The following HMX3 variants were observed in gnomAD, a reference collection of about 807,000 sequenced individuals.
HMX3 encodes the protein H6 family homeobox 3, also known as homeobox protein HMX3.
In HMX3, 8 loss-of-function variants were observed where a neutral mutation model predicts 22.8. The ratio of observed to expected loss-of-function variants is 0.35; its 90% CI spans 0.21 to 0.63. HMX3 has a LOEUF of 0.63. HMX3 is among the 30% of genes least tolerant of loss of function. The pLI is 0.72. For synonymous variants in HMX3, 331 were observed against 250.9 expected, an observed-to-expected ratio of 1.32 and a Z score of -3.02; for missense variants, 527 against 520.6, an observed-to-expected ratio of 1.01 and a Z score of -0.12.
rs370463263 is a variant in HMX3 at position 123,136,347 on chromosome 10, G to C, written c.297G>C (p.Pro99=). The change falls in exon 1 of 2, where the codon CCG becomes CCC. Residue 99 remains proline (P), a synonymous_variant. Coordinates refer to ENST00000357878, the MANE Select transcript of HMX3 (RefSeq NM_001105574.2). This position sits in a 1 kb window ranked among gnomAD's most constrained non-coding sequence, Gnocchi z 4.8. ...GDLAFPRFEI[P]AQRFALPAHY... ...TGGCTTTCCCTCGCTTTGAGATCCC[G>C]GCGCAGAGGTTTGCCCTGCCCGCGC... 1.3e-6 allele frequency: 2 copies of C among 1,570,138 alleles called. No homozygotes were observed. The highest frequency in any genetic ancestry group is 1.4e-5 in the African/African-American group (1 of 71,252).
chr10:123,137,612 G>T lies in HMX3; in HGVS notation c.955G>T (p.Ala319Ser). The T allele has an allele frequency of 1.9e-6, 3 of 1,565,118 alleles. No individual in the cohort carries two copies. The highest frequency in any genetic ancestry group is 2.6e-6 in the Non-Finnish European group (3 of 1,162,556). ...CCACGAGAACTCGGCGGCCGAGGGC[G>T]CGGCGGCTGCAGCCGCGGGGGCCCC... ...LYHENSAAEGAAAAAAGAPVP... is the reference protein window; with the variant it reads ...LYHENSAAEGSAAAAAGAPVP... The change falls in exon 2 of 2, where the codon GCG becomes TCG. Residue 319 changes from alanine (A) to serine (S), a missense_variant. Ala to Ser is a moderately conservative substitution (Grantham distance 99). Transcript: ENST00000357878. This position sits in a 1 kb window ranked among gnomAD's most constrained non-coding sequence, Gnocchi z 5.8.
At position 123,137,532 on chromosome 10, in the gene HMX3, C is replaced by T. The variant is rs748928750; in HGVS notation, c.875C>T (p.Ala292Val). 19 of 1,611,744 alleles carry T rather than the reference C, an allele frequency of 1.2e-5. No homozygotes were observed. The highest frequency in any genetic ancestry group is 2.7e-5 in the African/African-American group (2 of 74,910). ...CGGCAGCTGGCGGCGGAGCTGGAGGCGGCCAACCTGAGCCATGCCGCGGCG... is the reference window on the plus strand; with the variant it reads ...CGGCAGCTGGCGGCGGAGCTGGAGGTGGCCAACCTGAGCCATGCCGCGGCG... ...WKRQLAAELEAANLSHAAAQR... is the reference protein window; with the variant it reads ...WKRQLAAELEVANLSHAAAQR... The change falls in exon 2 of 2, where the codon GCG (alanine) becomes GTG (valine). Residue 292 changes from alanine to valine, a missense_variant. Physicochemically the swap from Ala to Val is moderately conservative, Grantham distance 64 (BLOSUM62 0). Coordinates refer to ENST00000357878, the MANE Select transcript of HMX3 (RefSeq NM_001105574.2). The surrounding 1 kb of genome is among the most constrained non-coding windows in gnomAD (Gnocchi z 5.8).
rs1054860145 is a variant in HMX3 at position 123,136,279 on chromosome 10, C to T, written c.229C>T (p.Leu77=). The T allele has an allele frequency of 1.3e-6, 2 of 1,493,798 alleles. No individual in the cohort carries two copies. The allele number at this position is 1,493,798 out of a possible 1,614,324, so 92.5% of individuals were successfully genotyped here. ...AAAAAAAKGA[L]EGAAGFALSQ... is the part of the protein sequence containing the mutation. Reference sequence around the variant, plus strand: ...CGCTGCCGCGGCGGCCAAGGGGGCCCTGGAGGGCGCCGCGGGCTTCGCGCT... The same window carrying T: ...CGCTGCCGCGGCGGCCAAGGGGGCCTTGGAGGGCGCCGCGGGCTTCGCGCT... The change falls in exon 1 of 2, where the codon CTG becomes TTG. Residue 77 remains leucine (L), a synonymous_variant. Transcript: ENST00000357878. The surrounding 1 kb of genome is among the most constrained non-coding windows in gnomAD (Gnocchi z 4.8).
chr10:123,136,818 T>C lies in HMX3; in HGVS notation c.401-240T>C, dbSNP rs1367682355. 1.3e-5 allele frequency among the ~76,000 whole-genome samples: 2 copies of C among 151,822 alleles called. No individual in the cohort carries two copies. Among genetic ancestry groups the C allele is most frequent in the Non-Finnish European group, 2.9e-5 (2 of 67,942 alleles). Reference sequence around the variant, plus strand: ...GCCCCTGGCGAGGAAGCTGAGGGAATGGAAGGAGGTGGCCGCGCTACCACC... The same window carrying C: ...GCCCCTGGCGAGGAAGCTGAGGGAACGGAAGGAGGTGGCCGCGCTACCACC... On this transcript the variant is annotated intron_variant, in intron 1 of 1. Coordinates refer to ENST00000357878, the MANE Select transcript of HMX3 (RefSeq NM_001105574.2). This position sits in a 1 kb window ranked among gnomAD's most constrained non-coding sequence, Gnocchi z 4.8.
At position 123,139,048 on chromosome 10, in the gene HMX3, G is replaced by GA. The variant is rs1844111134; in HGVS notation, c.*1323dup. On this transcript the variant is annotated 3_prime_UTR_variant, in exon 2 of 2. Transcript: ENST00000357878. ...ATAATCATGGTCATTCATTTAGAAAGAAAAAAGTAGGCAGGGGAAAGGGGG... is the reference window on the plus strand; with the variant it reads ...ATAATCATGGTCATTCATTTAGAAAGAAAAAAAGTAGGCAGGGGAAAGGGGG... Among the ~76,000 whole-genome samples, 1 of 152,074 alleles carries GA rather than the reference G, an allele frequency of 6.6e-6. No individual in the cohort carries two copies. Among genetic ancestry groups the GA allele is most frequent in the Non-Finnish European group, 1.5e-5 (1 of 68,000 alleles).
Position 123,137,773 on chromosome 10 carries a change from C to T in HMX3, c.*42C>T, listed in dbSNP as rs1372420971. 5.8e-6 allele frequency: 8 copies of T among 1,375,962 alleles called. No homozygotes were observed. The Admixed American group carries it at 1.9e-4, about 32-fold the overall frequency. 85.2% of individuals were successfully genotyped at this position (1,375,962 alleles called of 1,614,324 possible). A position where few individuals can be genotyped will look rare whatever the true frequency, so the allele number is the denominator to read the frequency against. On this transcript the variant is annotated 3_prime_UTR_variant, in exon 2 of 2. Transcript: ENST00000357878. This position sits in a 1 kb window ranked among gnomAD's most constrained non-coding sequence, Gnocchi z 5.8. Reference sequence around the variant, plus strand: ...GGGAGGGAGCGCCCGGCCTCCTTGTCCGGACCCCGGAGGAGACTGGGCCGG... The same window carrying T: ...GGGAGGGAGCGCCCGGCCTCCTTGTTCGGACCCCGGAGGAGACTGGGCCGG...
At position 123,136,046 on chromosome 10, in the gene HMX3, G is replaced by C; in HGVS notation, c.-5G>C. On this transcript the variant is annotated 5_prime_UTR_variant, in exon 1 of 2. Coordinates refer to ENST00000357878, the MANE Select transcript of HMX3 (RefSeq NM_001105574.2). This position sits in a 1 kb window ranked among gnomAD's most constrained non-coding sequence, Gnocchi z 4.8. ...CCCTCCCGGGGACCCGGAGGAGAGG[G>C]GACCATGCCGGAACCCGGGCCGGAC... The C allele has an allele frequency of 7.3e-7, 1 of 1,378,000 alleles. No individual in the cohort carries two copies. The highest frequency in any genetic ancestry group is 9.4e-7 in the Non-Finnish European group (1 of 1,064,436). The allele number at this position is 1,378,000 out of a possible 1,614,324, so 85.4% of individuals were successfully genotyped here. A position where few individuals can be genotyped will look rare whatever the true frequency, so the allele number is the denominator to read the frequency against.
rs766586446 is a variant in HMX3 at position 123,137,334 on chromosome 10, G to A, written c.677G>A (p.Arg226His). ...AGTCCAGAGAAGAAGCCGGCGTGCC[G>A]CAAGAAGAAGACGCGCACAGTCTTC... ...AESPEKKPAC[R>H]KKKTRTVFSR... The change falls in exon 2 of 2, where the codon CGC (arginine) becomes CAC (histidine). Residue 226 changes from arginine (R) to histidine (H), a missense_variant. Physicochemically the swap from Arg to His is conservative, Grantham distance 29 (BLOSUM62 0). This residue lies in a region of HMX3 where 386 missense variants were observed against 337.8 expected (regional missense o/e 1.14). Transcript: ENST00000357878. The surrounding 1 kb of genome is among the most constrained non-coding windows in gnomAD (Gnocchi z 5.8). The A allele has an allele frequency of 6.2e-7, 1 of 1,611,800 alleles. No homozygotes were observed. The highest frequency in any genetic ancestry group is 8.5e-7 in the Non-Finnish European group (1 of 1,179,332).
chr10:123,137,839 G>A lies in HMX3; in HGVS notation c.*108G>A. On this transcript the variant is annotated 3_prime_UTR_variant, in exon 2 of 2. Coordinates refer to ENST00000357878, the MANE Select transcript of HMX3 (RefSeq NM_001105574.2). This position sits in a 1 kb window ranked among gnomAD's most constrained non-coding sequence, Gnocchi z 5.8. ...AAGTCCAGCGGCCTTCAGGAACTGG[G>A]GCTTGGGCGCGCAGCCTCTGCTTCC... The A allele has an allele frequency of 5.2e-6, 4 of 768,530 alleles. No individual in the cohort carries two copies. The highest frequency in any genetic ancestry group is 7.6e-6 in the Non-Finnish European group (4 of 523,180). The allele number at this position is 768,530 out of a possible 1,614,324, so 47.6% of individuals were successfully genotyped here.
Position 123,137,779 on chromosome 10 carries a change from C to T in HMX3, c.*48C>T. ...GAGCGCCCGGCCTCCTTGTCCGGAC[C>T]CCGGAGGAGACTGGGCCGGGCCGAG... On this transcript the variant is annotated 3_prime_UTR_variant, in exon 2 of 2. Transcript: ENST00000357878. The surrounding 1 kb of genome is among the most constrained non-coding windows in gnomAD (Gnocchi z 5.8). 1.5e-6 allele frequency: 2 copies of T among 1,349,116 alleles called. No individual in the cohort carries two copies. Among genetic ancestry groups the T allele is most frequent in the Non-Finnish European group, 9.7e-7 (1 of 1,035,140 alleles). 83.6% of individuals were successfully genotyped at this position (1,349,116 alleles called of 1,614,324 possible). A position where few individuals can be genotyped will look rare whatever the true frequency, so the allele number is the denominator to read the frequency against.
At position 123,136,461 on chromosome 10, in the gene HMX3, C is replaced by G; in HGVS notation, c.400+11C>G. 1 of 1,386,772 alleles carries G rather than the reference C, an allele frequency of 7.2e-7. No homozygotes were observed. Among genetic ancestry groups the G allele is most frequent in the Non-Finnish European group, 9.4e-7 (1 of 1,061,474 alleles). 85.9% of individuals were successfully genotyped at this position (1,386,772 alleles called of 1,614,324 possible). A position where few individuals can be genotyped will look rare whatever the true frequency, so the allele number is the denominator to read the frequency against. ...TCCCGCGACCTGAAGGTACCGACCT[C>G]TCTTTGAACTTTCGTTGTCCCCCTG... is the stretch of plus-strand genomic sequence containing the variant. On this transcript the variant is annotated intron_variant, in intron 1 of 1. Transcript: ENST00000357878. This position sits in a 1 kb window ranked among gnomAD's most constrained non-coding sequence, Gnocchi z 4.8.
chr10:123,137,488 C>T lies in HMX3; in HGVS notation c.831C>T (p.Asn277=). The change falls in exon 2 of 2, where the codon AAC becomes AAT. Residue 277 remains asparagine (N), a synonymous_variant. Coordinates refer to ENST00000357878, the MANE Select transcript of HMX3 (RefSeq NM_001105574.2). The surrounding 1 kb of genome is among the most constrained non-coding windows in gnomAD (Gnocchi z 5.8). ...CGCAGGTCAAGATCTGGTTCCAGAA[C>T]CGCCGCAACAAGTGGAAGCGGCAGC... ...TETQVKIWFQ[N]RRNKWKRQLA... The T allele has an allele frequency of 2.5e-6, 4 of 1,613,352 alleles. No homozygotes were observed. The South Asian group carries it at 4.4e-5, about 18-fold the overall frequency.
chr10:123,136,249 G>A lies in HMX3; in HGVS notation c.199G>A (p.Ala67Thr). The A allele has an allele frequency of 2.2e-6, 3 of 1,349,726 alleles. No homozygotes were observed. Among genetic ancestry groups the A allele is most frequent in the South Asian group, 2.2e-5 (1 of 46,266 alleles). 83.6% of individuals were successfully genotyped at this position (1,349,726 alleles called of 1,614,324 possible). A position where few individuals can be genotyped will look rare whatever the true frequency, so the allele number is the denominator to read the frequency against. ...APASAAAAAA[A>T]AAAAAAKGAL... The stretch of plus-strand genomic sequence containing the variant: ...AGCCTCGGCTGCCGCCGCCGCCGCC[G>A]CTGCCGCTGCCGCGGCGGCCAAGGG... The change falls in exon 1 of 2, where the codon GCT becomes ACT. Residue 67 changes from alanine to threonine, a missense_variant. Physicochemically the swap from Ala to Thr is moderately conservative, Grantham distance 58. Coordinates refer to ENST00000357878, the MANE Select transcript of HMX3 (RefSeq NM_001105574.2). The surrounding 1 kb of genome is among the most constrained non-coding windows in gnomAD (Gnocchi z 4.8).
In HMX3 at chr10:123,136,369, G is replaced by A; in HGVS notation, c.319G>A (p.Ala107Thr). Residue 107 changes from alanine to threonine, a missense_variant, in exon 1 of 2, where the codon GCG becomes ACG. Around this residue, in one of 3 missense-constraint regions of HMX3, gnomAD observed 386 missense variants for 337.8 expected, o/e 1.14. Coordinates refer to ENST00000357878, the MANE Select transcript of HMX3 (RefSeq NM_001105574.2). This position sits in a 1 kb window ranked among gnomAD's most constrained non-coding sequence, Gnocchi z 4.8. Reference sequence around the variant, plus strand: ...CCCGGCGCAGAGGTTTGCCCTGCCCGCGCACTACCTGGAGCGCTCCCCAGC... The same window carrying A: ...CCCGGCGCAGAGGTTTGCCCTGCCCACGCACTACCTGGAGCGCTCCCCAGC... The part of the protein sequence containing the change: ...EIPAQRFALP[A>T]HYLERSPAWW... 6.4e-7 allele frequency: 1 copy of A among 1,566,738 alleles called. No homozygotes were observed. Among genetic ancestry groups the A allele is most frequent in the Admixed American group, 1.8e-5 (1 of 56,280 alleles).
chr10:123,136,391 C>A lies in HMX3; in HGVS notation c.341C>A (p.Pro114Gln). 1 of 1,561,460 alleles carries A rather than the reference C, an allele frequency of 6.4e-7. No individual in the cohort carries two copies. Among genetic ancestry groups the A allele is most frequent in the East Asian group, 2.6e-5 (1 of 38,902 alleles). ...CCCGCGCACTACCTGGAGCGCTCCC[C>A]AGCCTGGTGGTACCCCTACACCCTG... Reference protein sequence around the residue: ...ALPAHYLERSPAWWYPYTLTP... With the variant: ...ALPAHYLERSQAWWYPYTLTP... Residue 114 changes from proline (P) to glutamine (Q), a missense_variant, in exon 1 of 2, where the codon CCA becomes CAA. Pro to Gln is a moderately conservative substitution (Grantham distance 76). Coordinates refer to ENST00000357878, the MANE Select transcript of HMX3 (RefSeq NM_001105574.2). This position sits in a 1 kb window ranked among gnomAD's most constrained non-coding sequence, Gnocchi z 4.8.
chr10:123,136,345 C>A lies in HMX3; in HGVS notation c.295C>A (p.Pro99Thr). The A allele has an allele frequency of 6.4e-7, 1 of 1,571,960 alleles. No individual in the cohort carries two copies. The highest frequency in any genetic ancestry group is 8.6e-7 in the Non-Finnish European group (1 of 1,160,294). Residue 99 changes from proline to threonine, a missense_variant, in exon 1 of 2, where the codon CCG (proline) becomes ACG (threonine). Around this residue, in one of 3 missense-constraint regions of HMX3, gnomAD observed 386 missense variants for 337.8 expected, o/e 1.14. Coordinates refer to ENST00000357878, the MANE Select transcript of HMX3 (RefSeq NM_001105574.2). This position sits in a 1 kb window ranked among gnomAD's most constrained non-coding sequence, Gnocchi z 4.8. ...GDLAFPRFEI[P>T]AQRFALPAHY... The stretch of plus-strand genomic sequence containing the variant: ...CCTGGCTTTCCCTCGCTTTGAGATC[C>A]CGGCGCAGAGGTTTGCCCTGCCCGC...
rs1844071787 is a variant in HMX3, at chr10:123,136,236, C to T, written c.186C>T (p.Ala62=). The T allele has an allele frequency of 6.8e-6, 9 of 1,328,440 alleles. No individual in the cohort carries two copies. The South Asian group carries it at 1.2e-4, about 18-fold the overall frequency. The allele number at this position is 1,328,440 out of a possible 1,614,324, so 82.3% of individuals were successfully genotyped here. Residue 62 remains alanine (A), a synonymous_variant, in exon 1 of 2, where the codon GCC becomes GCT. Coordinates refer to ENST00000357878, the MANE Select transcript of HMX3 (RefSeq NM_001105574.2). This position sits in a 1 kb window ranked among gnomAD's most constrained non-coding sequence, Gnocchi z 4.8. ...CGCTCTTCGCGCCAGCCTCGGCTGC[C>T]GCCGCCGCCGCCGCTGCCGCTGCCG... ...PRTLFAPASA[A]AAAAAAAAAA...
chr10:123,137,255 G>C lies in HMX3; in HGVS notation c.598G>C (p.Val200Leu). The change falls in exon 2 of 2, where the codon GTA becomes CTA. Residue 200 changes from valine (V) to leucine (L), a missense_variant. This residue lies in a region of HMX3 where 386 missense variants were observed against 337.8 expected (regional missense o/e 1.14). Coordinates refer to ENST00000357878, the MANE Select transcript of HMX3 (RefSeq NM_001105574.2). This position sits in a 1 kb window ranked among gnomAD's most constrained non-coding sequence, Gnocchi z 5.8. ...EAAPGAAGAS[V>L]GAAAATPGAE... ...GGCGCCAGGCGCGGCCGGGGCGAGC[G>C]TAGGGGCGGCGGCGGCCACTCCGGG... The C allele has an allele frequency of 6.3e-7, 1 of 1,591,846 alleles. No individual in the cohort carries two copies. Among genetic ancestry groups the C allele is most frequent in the African/African-American group, 1.3e-5 (1 of 74,650 alleles).
Position 123,136,424 on chromosome 10 carries a change from C to CCGG in HMX3, c.379_381dup (p.Gly127dup). ...TGGTACCCCTACACCCTGACCCCCG[C>CCGG]CGGCGGCCACCTCCCGCGACCTGAA... On this transcript the variant is annotated inframe_insertion, in exon 1 of 2. Transcript: ENST00000357878. This position sits in a 1 kb window ranked among gnomAD's most constrained non-coding sequence, Gnocchi z 4.8. 1 of 1,481,526 alleles carries CCGG rather than the reference C, an allele frequency of 6.7e-7. No homozygotes were observed. Among genetic ancestry groups the CCGG allele is most frequent in the Non-Finnish European group, 9.0e-7 (1 of 1,113,408 alleles). 91.8% of individuals were successfully genotyped at this position (1,481,526 alleles called of 1,614,324 possible).
Sources: gnomAD v4.1 joint callset for allele counts (sites outside exome capture counted in the v4.1 genomes callset) on GRCh38, gnomAD v4.1.1 for gene constraint, gnomAD v4.1.1 regional missense constraint, Gnocchi (gnomAD v3.1) non-coding constraint, MANE v1.5 for transcripts, NCBI Gene and HGNC (gene_info 2026-07-23, HGNC 2026-07-21) for gene names.